LRRC63: variants seen among roughly 807,000 people sequenced by gnomAD.
The protein encoded by LRRC63 is leucine-rich repeat-containing protein 63.
A neutral mutation model predicts 49.5 loss-of-function variants in LRRC63; 40 were observed. The observed-to-expected ratio is 0.81, with a 90% CI of 0.63 to 1.05. The LOEUF (loss-of-function observed/expected upper bound fraction) is 1.05. LRRC63 is among the 50% of genes least tolerant of loss of function. LRRC63 has a pLI of 0.00. For synonymous variants in LRRC63, 191 were observed against 221.1 expected, an observed-to-expected ratio of 0.86 and a Z score of 1.21; for missense variants, 636 against 663.1, an observed-to-expected ratio of 0.96 and a Z score of 0.45.
At chr13:46,250,152 C>G in intron 6 of LRRC63, 2 of 395,700 alleles carry the variant, frequency 5.1e-6, no homozygotes, top group Non-Finnish European at 9.3e-6. Flanking sequence ...ACAGTGGTTG[C>G]ACTATTTCAC....
chr13:46,240,369 C>T (rs776212057), intron 5 of LRRC63, among the ~76,000 whole-genome samples: 10 of 151,940 alleles, frequency 6.6e-5, no homozygotes, highest in African/African-American at 1.2e-4. Context: ...CCTCATGATC[C>T]GCCCACCTCG....
At chr13:46,275,195 C>A (rs1349247331) in intron 9 of LRRC63, among the ~76,000 whole-genome samples, 1 of 152,128 alleles carries the variant, frequency 6.6e-6, no homozygotes, top group Non-Finnish European at 1.5e-5. Context: ...TGTGTACATA[C>A]CATATTTTCT....
At chr13:46,234,473 T>G in intron 5 of LRRC63, 124 bp downstream of exon 5, 1 of 890,020 alleles carries the variant, frequency 1.1e-6, no homozygotes, top group Non-Finnish European at 1.6e-6. Context: ...TAGAGATTTC[T>G]TAGGAACACA....
intron 5 of LRRC63, among the ~76,000 whole-genome samples, chr13:46,245,292 T>A (rs1257736300): frequency 6.6e-6 from 1 of 152,140 alleles, no homozygotes; most frequent in Non-Finnish European, 1.5e-5. Context: ...AGAATTGATA[T>A]GTGCAGTCAA....
intron 5 of LRRC63, among the ~76,000 whole-genome samples, chr13:46,245,221 A>G (rs2047181228): frequency 6.6e-6 from 1 of 152,220 alleles, no homozygotes. Context: ...GACAGAACTA[A>G]AGTGAGAAGT....
intron 5 of LRRC63, among the ~76,000 whole-genome samples, chr13:46,236,966 G>A (rs1451422553): frequency 1.3e-5 from 2 of 152,028 alleles, no homozygotes; most frequent in Non-Finnish European, 2.9e-5. Flanking sequence ...GAGTTAATTT[G>A]GTATCAATCC....
intron 9 of LRRC63, among the ~76,000 whole-genome samples, chr13:46,269,230 C>G (rs1385140900): frequency 6.8e-6 from 1 of 146,702 alleles, no homozygotes; most frequent in Non-Finnish European, 1.5e-5. Flanking sequence ...AAAACCCTAA[C>G]ATAAAAGCCT....
exon 3 of LRRC63, chr13:46,228,047 T>A: frequency 3.9e-6 from 6 of 1,551,106 alleles, no homozygotes; most frequent in Non-Finnish European, 5.2e-6. Flanking sequence ...CACCTATGAC[T>A]GTATCTATGA....
At chr13:46,225,447 T>C (rs893176746) in intron 2 of LRRC63, among the ~76,000 whole-genome samples, 4 of 152,130 alleles carry the variant, frequency 2.6e-5, no homozygotes, top group Non-Finnish European at 5.9e-5. Flanking sequence ...CTGTTCTCTA[T>C]GTGTGAGCCT....
rs75553094 is a variant in LRRC63 at position 46,223,484 on chromosome 13, G to GT, written c.86-4013dup. ...CTCTTCTTGGCTGACAGTTTTTTTT[G>GT]TTTTTTTTTTTTTTTAATTTCAGCA... On this transcript the variant is annotated intron_variant, in intron 2 of 9. Transcript: ENST00000595396. Among the ~76,000 whole-genome samples the GT allele has an allele frequency of 9.7e-3, 1,280 of 131,606 alleles. 11 individuals carry two copies. The highest frequency in any genetic ancestry group is 0.013 in the Admixed American group (169 of 13,464). 86.3% of individuals were successfully genotyped at this position (131,606 alleles called of 152,430 possible). A position where few individuals can be genotyped will look rare whatever the true frequency, so the allele number is the denominator to read the frequency against.
intron 2 of LRRC63, among the ~76,000 whole-genome samples, chr13:46,224,874 CT>C (rs2046523313): frequency 6.6e-6 from 1 of 152,148 alleles, no homozygotes; most frequent in African/African-American, 2.4e-5. Flanking sequence ...GAGGATTAGG[CT>C]GCAATTATTA....
chr13:46,254,251 G>A (rs913488674), intron 7 of LRRC63, among the ~76,000 whole-genome samples: 13 of 152,100 alleles, frequency 8.5e-5, no homozygotes, highest in Non-Finnish European at 1.5e-5. Flanking sequence ...TGAGAAGAGT[G>A]ATTAGACAAA....
In LRRC63 at chr13:46,246,633, A is replaced by T. The variant is rs2047221166; in HGVS notation, c.1089+8A>T. 2.3e-6 allele frequency: 3 copies of T among 1,317,884 alleles called. No homozygotes were observed. The highest frequency in any genetic ancestry group is 3.0e-5 in the African/African-American group (2 of 65,930). 81.6% of individuals were successfully genotyped at this position (1,317,884 alleles called of 1,614,324 possible). A position where few individuals can be genotyped will look rare whatever the true frequency, so the allele number is the denominator to read the frequency against. Reference sequence around the variant, plus strand: ...CATTACTTTCCCACAGAAGTGAGTCAACTTTTATTGTTATGTACTGATATA... The same window carrying T: ...CATTACTTTCCCACAGAAGTGAGTCTACTTTTATTGTTATGTACTGATATA... On this transcript the variant is annotated splice_region_variant and intron_variant, in intron 6 of 9. Transcript: ENST00000595396.
At chr13:46,213,347 A>C (rs187544202) in intron 2 of LRRC63, among the ~76,000 whole-genome samples, 228 of 152,322 alleles carry the variant, frequency 1.5e-3, no homozygotes, top group African/African-American at 4.5e-3. Context: ...GTAACCCCAG[A>C]ATTGGTACTC....
chr13:46,232,050 C>T (rs557667142), intron 4 of LRRC63, among the ~76,000 whole-genome samples: 1 of 151,778 alleles, frequency 6.6e-6, no homozygotes, highest in South Asian at 2.1e-4. Flanking sequence ...CTCCTGACCT[C>T]GTGATCCGCC....
chr13:46,213,222 C>G, intron 2 of LRRC63, 103 bp downstream of exon 2: 1 of 687,146 alleles, frequency 1.5e-6, no homozygotes, highest in South Asian at 2.3e-5. Context: ...TCACTAATAA[C>G]TTACAAATGT....
At chr13:46,261,484 G>A (rs1042101757) in intron 7 of LRRC63, among the ~76,000 whole-genome samples, 1 of 152,194 alleles carries the variant, frequency 6.6e-6, no homozygotes, top group Non-Finnish European at 1.5e-5. Flanking sequence ...TGGGGGAGAA[G>A]CAAGGGACAG....
At chr13:46,241,284 A>C (rs2047055335) in intron 5 of LRRC63, among the ~76,000 whole-genome samples, 1 of 152,224 alleles carries the variant, frequency 6.6e-6, no homozygotes, top group Admixed American at 6.5e-5. Context: ...AGAAGATTGA[A>C]ACTGGACCCC....
intron 2 of LRRC63, among the ~76,000 whole-genome samples, chr13:46,224,581 A>G (rs1366965355): frequency 6.6e-6 from 1 of 152,168 alleles, no homozygotes; most frequent in East Asian, 1.9e-4. Context: ...TTTTTGATTA[A>G]GATCTATTAC....
Sources: allele counts gnomAD v4.1 joint callset (sites outside exome capture counted in the v4.1 genomes callset), GRCh38; gene constraint gnomAD v4.1.1; transcripts MANE v1.5; gene names NCBI Gene and HGNC (gene_info 2026-07-23, HGNC 2026-07-21).